RUNX2: variants seen among roughly 807,000 people sequenced by gnomAD.
The protein encoded by RUNX2 is runt-related transcription factor 2.
Under a neutral mutation model 51.7 loss-of-function variants are expected in RUNX2, and 10 were observed. The observed-to-expected ratio is 0.19, with a 90% confidence interval of 0.12 to 0.33. The LOEUF (loss-of-function observed/expected upper bound fraction) is 0.33. RUNX2 is among the 10% of genes least tolerant of loss of function. The probability of loss-of-function intolerance (pLI) is 1.00; values close to 1 mark genes in which losing one functional copy is unlikely to be tolerated. For synonymous variants in RUNX2, 276 were observed against 273.6 expected (o/e 1.01, Z -0.09); for missense variants, 562 against 691.3 (o/e 0.81, Z 2.10).
chr6:45,391,020 A>G (rs964257676), intron 2 of RUNX2, among the ~76,000 whole-genome samples: 5 of 152,222 alleles, frequency 3.3e-5, no homozygotes, highest in African/African-American at 1.2e-4. Context: ...TCTCACAATT[A>G]AAAGAGGAAG....
At chr6:45,485,716 T>TATATATACAC (rs1554394671) in intron 5 of RUNX2, among the ~76,000 whole-genome samples, 31 of 126,442 alleles carry the variant, frequency 2.5e-4, no homozygotes, top group Admixed American at 7.6e-4. Flanking sequence ...TATATATATA[T>TATATATACAC]ACACATATTT....
chr6:45,504,530 C>G (rs928308740), intron 6 of RUNX2, among the ~76,000 whole-genome samples: 12 of 152,104 alleles, frequency 7.9e-5, no homozygotes, highest in African/African-American at 2.9e-4. Flanking sequence ...TCAAGAGAAC[C>G]AGAAATGAGT....
chr6:45,413,165 T>C (rs1013322471), intron 2 of RUNX2, among the ~76,000 whole-genome samples: 5 of 152,134 alleles, frequency 3.3e-5, no homozygotes, highest in South Asian at 2.1e-4. Context: ...TGAAAGAAAA[T>C]AAGCCCCAAG....
intron 7 of RUNX2, among the ~76,000 whole-genome samples, chr6:45,543,428 C>A (rs928191846): frequency 6.6e-6 from 1 of 152,106 alleles, no homozygotes; most frequent in African/African-American, 2.4e-5. Flanking sequence ...AAAAGGTCCC[C>A]AAACCACCTT....
At chr6:45,542,455 TA>T (rs1449527703) in intron 7 of RUNX2, among the ~76,000 whole-genome samples, 1 of 152,184 alleles carries the variant, frequency 6.6e-6, no homozygotes, top group Non-Finnish European at 1.5e-5. Flanking sequence ...TGGCTTTGGC[TA>T]GGGGTGTAGA....
intron 3 of RUNX2, among the ~76,000 whole-genome samples, chr6:45,431,268 C>G (rs1563083322): frequency 6.6e-6 from 1 of 152,146 alleles, no homozygotes; most frequent in Non-Finnish European, 1.5e-5. Flanking sequence ...GGATATCACA[C>G]TGGGTCCCAC....
chr6:45,379,026 A>T (rs1797148109), intron 2 of RUNX2, among the ~76,000 whole-genome samples: 1 of 152,186 alleles, frequency 6.6e-6, no homozygotes, highest in Non-Finnish European at 1.5e-5. Flanking sequence ...TTGCCTATAG[A>T]TACTGTGAGT....
chr6:45,357,508 A>G (rs1319868268), intron 2 of RUNX2, among the ~76,000 whole-genome samples: 1 of 151,882 alleles, frequency 6.6e-6, no homozygotes, highest in South Asian at 2.1e-4. Context: ...TATTTTCTGT[A>G]GAGACAGCGT....
intron 5 of RUNX2, among the ~76,000 whole-genome samples, chr6:45,459,608 C>T (rs1582134471): frequency 6.6e-6 from 1 of 152,216 alleles, no homozygotes; most frequent in Non-Finnish European, 1.5e-5. Flanking sequence ...TGCCATATGA[C>T]AGACATTCTT....
intron 2 of RUNX2, chr6:45,421,601 C>G (rs1167526453): frequency 6.6e-6 from 1 of 152,254 alleles, no homozygotes; most frequent in African/African-American, 2.4e-5. Context: ...GTCAGATCAG[C>G]CGGGGGCTCT....
chr6:45,431,408 T>A (rs964582350), intron 3 of RUNX2, among the ~76,000 whole-genome samples: 5 of 152,146 alleles, frequency 3.3e-5, no homozygotes, highest in African/African-American at 1.2e-4. Context: ...CTTAAAAATC[T>A]TCTCCCATAA....
At chr6:45,395,542 A>G (rs1797562914) in intron 2 of RUNX2, among the ~76,000 whole-genome samples, 1 of 152,240 alleles carries the variant, frequency 6.6e-6, no homozygotes, top group Non-Finnish European at 1.5e-5. Context: ...AGAACATATA[A>G]CAAAAAATTT....
At chr6:45,452,715 G>T (rs954397987) in intron 5 of RUNX2, among the ~76,000 whole-genome samples, 1 of 151,954 alleles carries the variant, frequency 6.6e-6, no homozygotes, top group Non-Finnish European at 1.5e-5. Context: ...TTCTTGTTTT[G>T]AACTAAGTGC....
intron 2 of RUNX2, among the ~76,000 whole-genome samples, chr6:45,416,664 G>T (rs1224557619): frequency 6.6e-6 from 1 of 152,164 alleles, no homozygotes; most frequent in Non-Finnish European, 1.5e-5. Flanking sequence ...AGTTTTCTCT[G>T]ACTCCTGGGT....
At chr6:45,532,354 G>A (rs990438491) in intron 7 of RUNX2, among the ~76,000 whole-genome samples, 8 of 151,814 alleles carry the variant, frequency 5.3e-5, no homozygotes, top group Non-Finnish European at 8.8e-5. Flanking sequence ...TTTAGAGCAG[G>A]GAAACCCACA....
intron 5 of RUNX2, among the ~76,000 whole-genome samples, chr6:45,474,219 G>A (rs1350099128): frequency 6.8e-6 from 1 of 147,250 alleles, no homozygotes; most frequent in Admixed American, 6.8e-5. Context: ...GAACTAATTT[G>A]TCACAGTGCT....
At chr6:45,422,421 G>A (rs1485283657) in intron 2 of RUNX2, 172 bp from the exon 3 acceptor site, 2 of 643,136 alleles carry the variant, frequency 3.1e-6, no homozygotes, top group African/African-American at 3.7e-5. Flanking sequence ...CCGCCCGGCA[G>A]TCGGCCTCAT....
intron 3 of RUNX2, among the ~76,000 whole-genome samples, chr6:45,426,036 T>C (rs1484543878): frequency 6.6e-6 from 1 of 152,230 alleles, no homozygotes; most frequent in Non-Finnish European, 1.5e-5. Flanking sequence ...TGTTTTGAAA[T>C]GTCAGTTTAA....
rs1563078835 is a variant in RUNX2, at chr6:45,422,681, A to ACAGCAGCAGCAACAGCAGCAG, written c.153_173dup (p.Gln65_Gln71dup). On this transcript the variant is annotated inframe_insertion, in exon 3 of 9. Coordinates refer to ENST00000647337, the MANE Select transcript of RUNX2 (RefSeq NM_001024630.4). ...ACGTGAGCCCGGTGGTGGCTGCGCA[A>ACAGCAGCAGCAACAGCAGCAG]CAGCAGCAGCAACAGCAGCAGCAGC... The ACAGCAGCAGCAACAGCAGCAG allele has an allele frequency of 3.1e-6, 5 of 1,602,462 alleles. No individual in the cohort carries two copies. In the South Asian group the frequency reaches 3.3e-5, roughly 11 times the overall value.
Sources: allele counts gnomAD v4.1 joint callset (sites outside exome capture counted in the v4.1 genomes callset), GRCh38; gene constraint gnomAD v4.1.1; transcripts MANE v1.5; gene names NCBI Gene and HGNC (gene_info 2026-07-23, HGNC 2026-07-21).